The following UGT1A6 variants were observed in gnomAD, a reference collection of about 807,000 sequenced individuals.
UGT1A6 encodes the protein UDP glucuronosyltransferase family 1 member A6, also known as UDP-glucuronosyltransferase 1A6.
In UGT1A6, 32 loss-of-function variants were observed where a neutral mutation model predicts 44.4. The observed-to-expected ratio is 0.72, with a 90% CI of 0.54 to 0.97. The LOEUF is 0.97. Among genes scored for constraint, UGT1A6 ranks in the 50% least tolerant of loss-of-function variants. UGT1A6 has a pLI of 0.00. For missense variants in UGT1A6, 685 were observed against 661.9 expected, an observed-to-expected ratio of 1.03 and a Z score of -0.38; for synonymous variants, 238 against 248.5, an observed-to-expected ratio of 0.96 and a Z score of 0.40.
At chr2:233,731,449 C>T (rs2078164021) in intron 1 of UGT1A6, among the ~76,000 whole-genome samples, 1 of 152,132 alleles carries the variant, frequency 6.6e-6, no homozygotes, top group South Asian at 2.1e-4. Flanking sequence ...CCCCACCCCA[C>T]AACAGGCCCT....
chr2:233,733,547 C>T (rs1401564261), intron 1 of UGT1A6, among the ~76,000 whole-genome samples: 1 of 152,178 alleles, frequency 6.6e-6, no homozygotes, highest in African/African-American at 2.4e-5. Context: ...AAGGCCTTTT[C>T]TGCATCTGTT....
chr2:233,753,954 T>C (rs1695355745), intron 1 of UGT1A6, among the ~76,000 whole-genome samples: 2 of 152,202 alleles, frequency 1.3e-5, no homozygotes, highest in Admixed American at 1.3e-4. Flanking sequence ...ACCTCCAAAA[T>C]ATTAAGAGAA....
At position 233,772,461 on chromosome 2, in the gene UGT1A6, G is replaced by A. The variant is rs764439291; in HGVS notation, c.1501G>A (p.Val501Met). The change falls in exon 5 of 5, where the codon GTG becomes ATG. Residue 501 changes from valine (V) to methionine (M), a missense_variant. Coordinates refer to ENST00000305139, the MANE Select transcript of UGT1A6 (RefSeq NM_001072.4). ...IGFLLAVVLT[V>M]AFITFKCCAY... is the part of the protein sequence containing the mutation. ...TTTCCTCTTGGCCGTCGTGCTGACAGTGGCCTTCATCACCTTTAAATGTTG... is the reference window on the plus strand; with the variant it reads ...TTTCCTCTTGGCCGTCGTGCTGACAATGGCCTTCATCACCTTTAAATGTTG... 6.2e-7 allele frequency: 1 copy of A among 1,614,184 alleles called. No homozygotes were observed. Among genetic ancestry groups the A allele is most frequent in the Non-Finnish European group, 8.5e-7 (1 of 1,180,040 alleles).
intron 1 of UGT1A6, among the ~76,000 whole-genome samples, chr2:233,727,802 A>G (rs1335895993): frequency 2.0e-5 from 3 of 152,156 alleles, no homozygotes; most frequent in East Asian, 1.9e-4. Context: ...TGCCTGTCCC[A>G]TGGGTTCTGT....
At position 233,747,396 on chromosome 2, in the gene UGT1A6, A is replaced by G. The variant is rs537889953; in HGVS notation, c.862-19638A>G. 2.9e-5 allele frequency: 46 copies of G among 1,606,394 alleles called. 2 individuals carry two copies. In the African/African-American group the frequency reaches 5.6e-4, roughly 20 times the overall value. On this transcript the variant is annotated intron_variant, in intron 1 of 4. Coordinates refer to ENST00000305139, the MANE Select transcript of UGT1A6 (RefSeq NM_001072.4). ...CAGAGGCCACCAGGCGGTGGTCCTCACCCCAGAGGTGAATATGCACATCAA... is the reference window on the plus strand; with the variant it reads ...CAGAGGCCACCAGGCGGTGGTCCTCGCCCCAGAGGTGAATATGCACATCAA...
intron 1 of UGT1A6, among the ~76,000 whole-genome samples, chr2:233,757,535 A>AATATATATACATATATATATATATATAT (rs376887521): frequency 7.9e-5 from 7 of 88,294 alleles, no homozygotes; most frequent in Non-Finnish European, 1.1e-4. Context: ...GCCTGTAAGG[A>AATATATATACATATATATATATATATAT]ATATATATAT....
intron 1 of UGT1A6, chr2:233,729,158 G>C (rs771653845): frequency 4.5e-5 from 73 of 1,613,350 alleles, no homozygotes; most frequent in Middle Eastern, 1.8e-4. Flanking sequence ...CCCCTGCCGT[G>C]GCTGGCCACA....
chr2:233,716,848 A>C (rs28898605), intron 1 of UGT1A6, among the ~76,000 whole-genome samples: 37 of 152,046 alleles, frequency 2.4e-4, no homozygotes, highest in African/African-American at 7.7e-4. Flanking sequence ...TTCAGCTACC[A>C]CATATGCTGA....
At chr2:233,734,048 T>C (rs547388406) in intron 1 of UGT1A6, among the ~76,000 whole-genome samples, 1 of 152,234 alleles carries the variant, frequency 6.6e-6, no homozygotes, top group East Asian at 1.9e-4. Flanking sequence ...ATGGCACATG[T>C]ATACATATGT....
Position 233,743,916 on chromosome 2 carries a change from T to C in UGT1A6, c.862-23118T>C, listed in dbSNP as rs774957959. On this transcript the variant is annotated intron_variant, in intron 1 of 4. Transcript: ENST00000305139. Reference sequence around the variant, plus strand: ...TCCAGCACCTCGTAGTAGTCCACCATGCTGGATGGCCAGAACGGCCCACCA... The same window carrying C: ...TCCAGCACCTCGTAGTAGTCCACCACGCTGGATGGCCAGAACGGCCCACCA... 1.8e-5 allele frequency: 25 copies of C among 1,364,598 alleles called. 1 individual carries two copies. Among genetic ancestry groups the C allele is most frequent in the South Asian group, 1.5e-4 (13 of 87,900 alleles). 84.5% of individuals were successfully genotyped at this position (1,364,598 alleles called of 1,614,324 possible). A position where few individuals can be genotyped will look rare whatever the true frequency, so the allele number is the denominator to read the frequency against.
rs942843599 is a variant in UGT1A6, at chr2:233,747,037, A to G, written c.862-19997A>G. Among the ~76,000 whole-genome samples the G allele has an allele frequency of 1.1e-4, 16 of 151,986 alleles. 1 individual carries two copies. Among genetic ancestry groups the G allele is most frequent in the African/African-American group, 3.9e-4 (16 of 41,218 alleles). ...ATCGGTCTTTCCCGAAGTGGGACCC[A>G]TAATGAAAGACAATGATTGGTTAAT... is the stretch of plus-strand genomic sequence containing the variant. On this transcript the variant is annotated intron_variant, in intron 1 of 4. Transcript: ENST00000305139.
chr2:233,729,351 C>T, intron 1 of UGT1A6: 1 of 1,614,194 alleles, frequency 6.2e-7, no homozygotes, highest in Non-Finnish European at 8.5e-7. Context: ...AGAACTTTTT[C>T]ACCCTGACAA....
intron 1 of UGT1A6, among the ~76,000 whole-genome samples, chr2:233,726,045 G>A (rs1002009410): frequency 1.3e-5 from 2 of 151,996 alleles, no homozygotes; most frequent in Non-Finnish European, 2.9e-5. Context: ...GCACACCTGT[G>A]GTCCCAGCTA....
Position 233,692,943 on chromosome 2 carries a change from G to C in UGT1A6, c.-62G>C. Reference sequence around the variant, plus strand: ...TGGTTAGTTTAGGGAAAATACCTAGGAGCCCTGTGATTTGGAGAGTGAAAA... The same window carrying C: ...TGGTTAGTTTAGGGAAAATACCTAGCAGCCCTGTGATTTGGAGAGTGAAAA... On this transcript the variant is annotated 5_prime_UTR_variant, in exon 1 of 5. Transcript: ENST00000305139. The C allele has an allele frequency of 1.3e-6, 2 of 1,597,154 alleles. No homozygotes were observed. Among genetic ancestry groups the C allele is most frequent in the East Asian group, 2.2e-5 (1 of 44,870 alleles).
At chr2:233,722,496 C>T (rs1266204895) in intron 1 of UGT1A6, among the ~76,000 whole-genome samples, 2 of 152,048 alleles carry the variant, frequency 1.3e-5, no homozygotes, top group African/African-American at 4.8e-5. Context: ...TTTCATTTTC[C>T]GTTTCGTTAA....
At chr2:233,748,093 C>A (rs1693864089) in intron 1 of UGT1A6, 3 of 1,612,862 alleles carry the variant, frequency 1.9e-6, no homozygotes, top group African/African-American at 1.3e-5. Context: ...GGTGTTCGTG[C>A]CTTCATCCAA....
chr2:233,767,810 T>C lies in UGT1A6; in HGVS notation c.994-39T>C, dbSNP rs547285080. ...GCAGATTTGTTTTCTAATCATATTA[T>C]GTTCTTTCTTTACGTTCTGCTCTTT... On this transcript the variant is annotated intron_variant, in intron 2 of 4. Transcript: ENST00000305139. 20 of 1,614,194 alleles carry C rather than the reference T, an allele frequency of 1.2e-5. No homozygotes were observed. The South Asian group carries it at 1.9e-4, about 15-fold the overall frequency.
intron 1 of UGT1A6, among the ~76,000 whole-genome samples, chr2:233,737,561 C>T (rs1436138407): frequency 1.3e-5 from 2 of 152,190 alleles, no homozygotes; most frequent in African/African-American, 4.8e-5. Flanking sequence ...CAGTGGGATG[C>T]ACCCACTATC....
At chr2:233,703,946 A>G (rs2075760296) in intron 1 of UGT1A6, among the ~76,000 whole-genome samples, 1 of 151,552 alleles carries the variant, frequency 6.6e-6, no homozygotes. Flanking sequence ...ACTGGAGTGC[A>G]GTGGTGTGAT....
Sources: gnomAD v4.1 joint callset for allele counts (sites outside exome capture counted in the v4.1 genomes callset) on GRCh38, gnomAD v4.1.1 for gene constraint, MANE v1.5 for transcripts, NCBI Gene and HGNC (gene_info 2026-07-23, HGNC 2026-07-21) for gene names.